MAD1L1: variants seen among roughly 807,000 people sequenced by gnomAD.
MAD1L1 encodes the protein mitotic arrest deficient 1 like 1, also known as mitotic spindle assembly checkpoint protein MAD1.
Under a neutral mutation model 96.9 loss-of-function variants are expected in MAD1L1, and 95 were observed. The ratio of observed to expected loss-of-function variants is 0.98; its 90% CI spans 0.83 to 1.16. The LOEUF is 1.16. MAD1L1 is among the 50% of genes most tolerant of loss of function. The probability of loss-of-function intolerance (pLI) is 0.00; values close to 1 mark genes in which losing one functional copy is unlikely to be tolerated. For synonymous variants in MAD1L1, 473 were observed against 396.6 expected, an observed-to-expected ratio of 1.19 and a Z score of -2.29; for missense variants, 1,007 against 954.4, an observed-to-expected ratio of 1.06 and a Z score of -0.73.
At chr7:1,997,268 G>A (rs1467277395) in intron 14 of MAD1L1, among the ~76,000 whole-genome samples, 1 of 152,220 alleles carries the variant, frequency 6.6e-6, no homozygotes, top group African/African-American at 2.4e-5. Flanking sequence ...AGGAGCTGCA[G>A]GCTGGGAGAC....
At chr7:2,092,455 G>A (rs1026077537) in intron 11 of MAD1L1, among the ~76,000 whole-genome samples, 12 of 151,874 alleles carry the variant, frequency 7.9e-5, no homozygotes, top group African/African-American at 1.9e-4. Context: ...CTGCCCTCTG[G>A]ATATCGGTTG....
At chr7:2,135,394 T>C (rs1156787404) in intron 11 of MAD1L1, among the ~76,000 whole-genome samples, 1 of 152,262 alleles carries the variant, frequency 6.6e-6, no homozygotes, top group East Asian at 1.9e-4. Flanking sequence ...TCTCGTTTTG[T>C]GTTAGAAAAT....
intron 18 of MAD1L1, among the ~76,000 whole-genome samples, chr7:1,850,742 C>T (rs148114157): frequency 6.6e-6 from 1 of 152,222 alleles, no homozygotes; most frequent in African/African-American, 2.4e-5. Context: ...CCCCTGCATA[C>T]TGGCCCTGCC....
chr7:2,097,953 C>T (rs921827333), intron 11 of MAD1L1, among the ~76,000 whole-genome samples: 4 of 152,210 alleles, frequency 2.6e-5, no homozygotes, highest in South Asian at 4.1e-4. Context: ...CCCAGACCAA[C>T]GGGGAGGGCA....
chr7:1,908,544 G>A (rs574444502), intron 17 of MAD1L1, among the ~76,000 whole-genome samples: 30 of 152,200 alleles, frequency 2.0e-4, no homozygotes, highest in Admixed American at 3.9e-4. Context: ...CACCACACTG[G>A]GCTAATATAT....
At chr7:2,079,068 G>A (rs886846142) in intron 11 of MAD1L1, among the ~76,000 whole-genome samples, 1 of 152,244 alleles carries the variant, frequency 6.6e-6, no homozygotes, top group African/African-American at 2.4e-5. Flanking sequence ...GTTGGGAGGG[G>A]GTGAATGCCT....
intron 18 of MAD1L1, among the ~76,000 whole-genome samples, chr7:1,896,946 T>C (rs1384944060): frequency 6.6e-6 from 1 of 152,264 alleles, no homozygotes; most frequent in Non-Finnish European, 1.5e-5. Flanking sequence ...GTATACAGAA[T>C]TATACAAAAG....
chr7:2,050,076 ACGGGG>A (rs1784101740), intron 12 of MAD1L1, among the ~76,000 whole-genome samples: 1 of 129,216 alleles, frequency 7.7e-6, no homozygotes, highest in Non-Finnish European at 1.6e-5. Flanking sequence ...CCACACGTTC[ACGGGG>A]CACCTCACCC....
intron 10 of MAD1L1, among the ~76,000 whole-genome samples, chr7:2,152,137 C>T (rs551342002): frequency 1.0e-3 from 157 of 152,368 alleles, no homozygotes; most frequent in African/African-American, 3.6e-3. Context: ...GCGCCTGAGG[C>T]GGATGGTCCC....
At chr7:2,160,411 A>C (rs1488296970) in intron 10 of MAD1L1, among the ~76,000 whole-genome samples, 3 of 141,028 alleles carry the variant, frequency 2.1e-5, no homozygotes, top group African/African-American at 2.7e-5. Flanking sequence ...TGGCTCACTG[A>C]AAGCTCCGCC....
At chr7:1,884,336 C>T (rs1457906673) in intron 18 of MAD1L1, among the ~76,000 whole-genome samples, 1 of 152,344 alleles carries the variant, frequency 6.6e-6, no homozygotes, top group East Asian at 1.9e-4. Flanking sequence ...TAGCCACCGA[C>T]CCACATGTCC....
chr7:2,221,261 G>C (rs554334509), intron 5 of MAD1L1, among the ~76,000 whole-genome samples: 2 of 152,258 alleles, frequency 1.3e-5, no homozygotes, highest in Admixed American at 1.3e-4. Flanking sequence ...GGTGCCCGCA[G>C]GCAGCGGGGA....
At chr7:2,116,372 C>T (rs534659712) in intron 11 of MAD1L1, among the ~76,000 whole-genome samples, 51 of 152,330 alleles carry the variant, frequency 3.3e-4, no homozygotes, top group Non-Finnish European at 6.2e-4. Context: ...GTTGAACAAA[C>T]GCTTCCTGAA....
At chr7:1,916,642 G>A (rs1416543471) in intron 17 of MAD1L1, among the ~76,000 whole-genome samples, 2 of 152,318 alleles carry the variant, frequency 1.3e-5, no homozygotes, top group East Asian at 1.9e-4. Flanking sequence ...GTCAGCAGCT[G>A]CCCAGGCCAG....
In MAD1L1 at chr7:2,114,727, G is replaced by A. The variant is rs932533496; in HGVS notation, c.1073+34425C>T. Among the ~76,000 whole-genome samples, 8 of 152,086 alleles carry A rather than the reference G, an allele frequency of 5.3e-5. No individual in the cohort carries two copies. Among genetic ancestry groups the A allele is most frequent in the East Asian group, 1.9e-4 (1 of 5,192 alleles). ...AGCCACCCAGAATCAAATACGAATCGCCGCTGCCGCTCTCACAGCACGATG... is the reference window on the plus strand; with the variant it reads ...AGCCACCCAGAATCAAATACGAATCACCGCTGCCGCTCTCACAGCACGATG... On this transcript the variant is annotated intron_variant, in intron 11 of 18. Transcript: ENST00000265854. This position sits in a 1 kb window ranked among gnomAD's most constrained non-coding sequence, Gnocchi z 4.2.
intron 18 of MAD1L1, among the ~76,000 whole-genome samples, chr7:1,868,909 G>A (rs1057384254): frequency 1.3e-5 from 2 of 152,198 alleles, no homozygotes; most frequent in African/African-American, 2.4e-5. Context: ...CCACACGGAC[G>A]AAGCTGAGCA....
intron 17 of MAD1L1, among the ~76,000 whole-genome samples, chr7:1,914,424 A>G (rs1294293827): frequency 1.3e-5 from 2 of 152,200 alleles, no homozygotes; most frequent in Non-Finnish European, 2.9e-5. Flanking sequence ...TAGAGATCCG[A>G]AGATGTGCGC....
intron 11 of MAD1L1, among the ~76,000 whole-genome samples, chr7:2,090,960 G>C (rs921684747): frequency 6.6e-6 from 1 of 152,166 alleles, no homozygotes; most frequent in African/African-American, 2.4e-5. Context: ...GGAGGGAGGA[G>C]CTGCATCTGC....
At chr7:2,071,093 G>A (rs998500638) in intron 11 of MAD1L1, among the ~76,000 whole-genome samples, 9 of 149,366 alleles carry the variant, frequency 6.0e-5, no homozygotes, top group Admixed American at 2.0e-4. Context: ...TTTCTTGGGC[G>A]GTGGTTTGGG....
Sources: gnomAD v4.1 joint callset for allele counts (sites outside exome capture counted in the v4.1 genomes callset) on GRCh38, gnomAD v4.1.1 for gene constraint, Gnocchi (gnomAD v3.1) non-coding constraint, MANE v1.5 for transcripts, NCBI Gene and HGNC (gene_info 2026-07-23, HGNC 2026-07-21) for gene names.